Variants in LMX1A observed in about 807,000 individuals in gnomAD.
LMX1A encodes LIM homeobox transcription factor 1 alpha.
A neutral mutation model predicts 49.1 loss-of-function variants in LMX1A; 15 were observed. The ratio of observed to expected loss-of-function variants is 0.31; its 90% CI spans 0.20 to 0.47. The LOEUF is 0.47. Ranked by LOEUF, LMX1A falls within the 20% of genes least tolerant of loss-of-function variation. LMX1A has a pLI of 1.00. For missense variants in LMX1A, 372 were observed against 475.8 expected, an observed-to-expected ratio of 0.78 and a Z score of 2.03; for synonymous variants, 167 against 185.7, an observed-to-expected ratio of 0.90 and a Z score of 0.82.
At position 165,242,718 on chromosome 1, in the gene LMX1A, TA is replaced by T. The variant is rs545984501; in HGVS notation, c.496+6689del. 7.4e-3 allele frequency among the ~76,000 whole-genome samples: 1,060 copies of T among 143,430 alleles called. 8 individuals carry two copies. Among genetic ancestry groups the T allele is most frequent in the Non-Finnish European group, 0.011 (748 of 65,170 alleles). 94.1% of individuals were successfully genotyped at this position (143,430 alleles called of 152,430 possible). ...GGTGAAACCCCATCTCTACTAAAAA[TA>T]AAAAAAAAAAATTAGCTGGGCTAAT... On this transcript the variant is annotated intron_variant, in intron 4 of 8. Coordinates refer to ENST00000342310, the MANE Select transcript of LMX1A (RefSeq NM_177398.4).
rs71661277 is a variant in LMX1A at position 165,275,836 on chromosome 1, G to GGT, written c.264-26198_264-26197dup. On this transcript the variant is annotated intron_variant, in intron 3 of 8. Transcript: ENST00000342310. ...GTTTCTAGAGCTTTTATGGCGCTGGGGTGTGTGTGTATGTGTGTGTGTGTG... is the reference window on the plus strand; with the variant it reads ...GTTTCTAGAGCTTTTATGGCGCTGGGGTGTGTGTGTGTATGTGTGTGTGTGTG... Among the ~76,000 whole-genome samples, 61 of 128,358 alleles carry GGT rather than the reference G, an allele frequency of 4.8e-4. No individual in the cohort carries two copies. The East Asian group carries it at 8.9e-3, about 19-fold the overall frequency. The allele number at this position is 128,358 out of a possible 152,430, so 84.2% of individuals were successfully genotyped here.
chr1:165,355,660 A>T lies in LMX1A; in HGVS notation c.-22-79T>A. ...GCCAGCAGCCACCGCACTCCTGGGA[A>T]AGAACTGAGGGAGTGTCCAGGGCGA... is the stretch of plus-strand genomic sequence containing the variant. On this transcript the variant is annotated intron_variant, in intron 1 of 8. Transcript: ENST00000342310. This position sits in a 1 kb window ranked among gnomAD's most constrained non-coding sequence, Gnocchi z 4.7. 9.2e-7 allele frequency: 1 copy of T among 1,087,888 alleles called. No individual in the cohort carries two copies. The allele number at this position is 1,087,888 out of a possible 1,614,324, so 67.4% of individuals were successfully genotyped here.
At chr1:165,245,730 A>G (rs1278945181) in intron 4 of LMX1A, among the ~76,000 whole-genome samples, 1 of 152,042 alleles carries the variant, frequency 6.6e-6, no homozygotes, top group Non-Finnish European at 1.5e-5. Context: ...TTTATTGCCC[A>G]CTATAACCCC....
chr1:165,243,113 T>C (rs1292090764), intron 4 of LMX1A, among the ~76,000 whole-genome samples: 3 of 152,184 alleles, frequency 2.0e-5, no homozygotes, highest in Non-Finnish European at 4.4e-5. Flanking sequence ...TGTACCATGG[T>C]TATGTAAAAT....
chr1:165,316,091 T>C (rs1655211097), intron 3 of LMX1A, among the ~76,000 whole-genome samples: 1 of 152,176 alleles, frequency 6.6e-6, no homozygotes, highest in African/African-American at 2.4e-5. Flanking sequence ...AGTCTGTCCA[T>C]GGGACATGGT....
intron 3 of LMX1A, among the ~76,000 whole-genome samples, chr1:165,292,262 A>G (rs1654497983): frequency 6.6e-6 from 1 of 152,138 alleles, no homozygotes; most frequent in South Asian, 2.1e-4. Context: ...AAGTGGATCA[A>G]AATAAGTGTG....
intron 4 of LMX1A, among the ~76,000 whole-genome samples, chr1:165,220,084 G>A (rs1047019297): frequency 6.6e-6 from 1 of 152,164 alleles, no homozygotes. Context: ...CTGGAATGGA[G>A]GCTTCTCAAA....
chr1:165,348,282 A>ATATC (rs1656309741), intron 3 of LMX1A, among the ~76,000 whole-genome samples: 1 of 152,230 alleles, frequency 6.6e-6, no homozygotes, highest in Non-Finnish European at 1.5e-5. Flanking sequence ...AATACTATTA[A>ATATC]TATCTACTCC....
intron 4 of LMX1A, among the ~76,000 whole-genome samples, chr1:165,217,567 C>G (rs945541706): frequency 6.6e-6 from 1 of 152,194 alleles, no homozygotes; most frequent in African/African-American, 2.4e-5. Context: ...GGTTCCAGGA[C>G]CCCTGCATAT....
intron 6 of LMX1A, among the ~76,000 whole-genome samples, chr1:165,210,431 A>T (rs1402207374): frequency 3.3e-5 from 5 of 152,232 alleles, no homozygotes; most frequent in Admixed American, 3.3e-4. Context: ...ACACAGAAAG[A>T]CATTTATTCA....
chr1:165,243,690 G>A (rs918141590), intron 4 of LMX1A, among the ~76,000 whole-genome samples: 9 of 152,340 alleles, frequency 5.9e-5, no homozygotes, highest in African/African-American at 1.7e-4. Flanking sequence ...GTGAGTTCCC[G>A]AAAGTACGGC....
At chr1:165,303,393 G>A (rs970246261) in intron 3 of LMX1A, among the ~76,000 whole-genome samples, 1 of 152,208 alleles carries the variant, frequency 6.6e-6, no homozygotes, top group African/African-American at 2.4e-5. Flanking sequence ...GCTGGGGGCT[G>A]GGAACGCTTC....
intron 4 of LMX1A, among the ~76,000 whole-genome samples, chr1:165,239,360 T>C (rs1328997275): frequency 6.6e-6 from 1 of 152,216 alleles, no homozygotes; most frequent in East Asian, 1.9e-4. Flanking sequence ...CAACTCATAA[T>C]TATAGCAAGG....
Position 165,330,384 on chromosome 1 carries a change from T to C in LMX1A, c.263+22692A>G, listed in dbSNP as rs527606072. Among the ~76,000 whole-genome samples, 538 of 152,324 alleles carry C rather than the reference T, an allele frequency of 3.5e-3. 1 individual carries two copies. Among genetic ancestry groups the C allele is most frequent in the African/African-American group, 0.012 (513 of 41,578 alleles). On this transcript the variant is annotated intron_variant, in intron 3 of 8. Transcript: ENST00000342310. Reference sequence around the variant, plus strand: ...AACTATTTGGGAGGCTGTGGCAGGATTGGTTGAACCCAGGAGGTTGAGGTT... The same window carrying C: ...AACTATTTGGGAGGCTGTGGCAGGACTGGTTGAACCCAGGAGGTTGAGGTT...
At chr1:165,348,538 G>A (rs770291050) in intron 3 of LMX1A, among the ~76,000 whole-genome samples, 2 of 152,110 alleles carry the variant, frequency 1.3e-5, no homozygotes, top group Admixed American at 6.5e-5. Context: ...TTATTGCCTA[G>A]CTGTGTTTGA....
At chr1:165,229,341 C>G (rs568332920) in intron 4 of LMX1A, among the ~76,000 whole-genome samples, 1 of 152,162 alleles carries the variant, frequency 6.6e-6, no homozygotes, top group Non-Finnish European at 1.5e-5. Context: ...GATTCAGGAC[C>G]TTGGGGAGAG....
chr1:165,264,114 C>T lies in LMX1A; in HGVS notation c.264-14474G>A, dbSNP rs75031473. 2.9e-3 allele frequency among the ~76,000 whole-genome samples: 437 copies of T among 152,102 alleles called. 2 individuals are homozygous for T. The highest frequency in any genetic ancestry group is 8.8e-3 in the African/African-American group (365 of 41,480). On this transcript the variant is annotated intron_variant, in intron 3 of 8. Coordinates refer to ENST00000342310, the MANE Select transcript of LMX1A (RefSeq NM_177398.4). The stretch of plus-strand genomic sequence containing the variant: ...GAGCATCAATTAACTTTGTGACTTA[C>T]GCTGAAACAAGCAAGGAGGGACTGG...
At chr1:165,262,004 G>C (rs1035507319) in intron 3 of LMX1A, among the ~76,000 whole-genome samples, 3 of 152,058 alleles carry the variant, frequency 2.0e-5, no homozygotes, top group African/African-American at 7.2e-5. Context: ...ACTTAATAAT[G>C]GTTGAGATGA....
intron 6 of LMX1A, among the ~76,000 whole-genome samples, chr1:165,209,737 A>G (rs933950115): frequency 6.6e-6 from 1 of 152,218 alleles, no homozygotes; most frequent in African/African-American, 2.4e-5. Context: ...TAAAGCAGTA[A>G]ATATAAGTAA....
Sources: gnomAD v4.1 joint callset for allele counts (sites outside exome capture counted in the v4.1 genomes callset) on GRCh38, gnomAD v4.1.1 for gene constraint, Gnocchi (gnomAD v3.1) non-coding constraint, MANE v1.5 for transcripts, NCBI Gene and HGNC (gene_info 2026-07-23, HGNC 2026-07-21) for gene names.